The following HIPK2 variants were observed in gnomAD, a reference collection of about 807,000 sequenced individuals.
HIPK2 encodes the protein homeodomain-interacting protein kinase 2.
In HIPK2, 27 loss-of-function variants were observed where a neutral mutation model predicts 113.7. That is an observed-to-expected ratio of 0.24 (90% CI 0.17 to 0.33). The LOEUF (loss-of-function observed/expected upper bound fraction) is 0.33, where lower values mean the gene tolerates loss of function less well. Among genes scored for constraint, HIPK2 ranks in the 10% least tolerant of loss-of-function variants. The pLI is 1.00. For missense variants in HIPK2, 1,257 were observed against 1,588.0 expected, an observed-to-expected ratio of 0.79 and a Z score of 3.54; for synonymous variants, 631 against 642.2, an observed-to-expected ratio of 0.98 and a Z score of 0.26.
At chr7:139,601,876 G>A (rs1799436295) in intron 10 of HIPK2, among the ~76,000 whole-genome samples, 4 of 151,438 alleles carry the variant, frequency 2.6e-5, no homozygotes, top group Admixed American at 2.6e-4. Flanking sequence ...AGAAGTAGAT[G>A]AACACTTTTG....
chr7:139,643,558 T>C (rs1801103452), intron 2 of HIPK2, among the ~76,000 whole-genome samples: 1 of 152,194 alleles, frequency 6.6e-6, no homozygotes, highest in Non-Finnish European at 1.5e-5. Context: ...GTGATGTTGG[T>C]GCAAACTGGA....
chr7:139,701,535 G>A (rs1295207116), intron 2 of HIPK2, among the ~76,000 whole-genome samples: 1 of 152,124 alleles, frequency 6.6e-6, no homozygotes, highest in Non-Finnish European at 1.5e-5. Context: ...CTGGCGGGAC[G>A]CTGAGACCTA....
Position 139,573,368 on chromosome 7 carries a change from A to G in HIPK2, c.3156T>C (p.Thr1052=). Residue 1052 remains threonine (T), a synonymous_variant, in exon 15 of 15, where the codon ACT becomes ACC. Coordinates refer to ENST00000406875, the MANE Select transcript of HIPK2 (RefSeq NM_022740.5). ...AGGCCTGCTGCCTTCGGTGGCTCCC[A>G]GTGCGGTCCGTGGTGATGTGCTGCT... is the stretch of plus-strand genomic sequence containing the variant. ...QAQQHITTDR[T]GSHRRQQAYI... is the part of the protein sequence containing the mutation. 1 of 1,604,480 alleles carries G rather than the reference A, an allele frequency of 6.2e-7. No individual in the cohort carries two copies. The highest frequency in any genetic ancestry group is 8.5e-7 in the Non-Finnish European group (1 of 1,179,794).
At chr7:139,633,770 C>A (rs1379340762) in intron 2 of HIPK2, among the ~76,000 whole-genome samples, 2 of 151,970 alleles carry the variant, frequency 1.3e-5, no homozygotes, top group Admixed American at 1.3e-4. Context: ...CATGGTGAAA[C>A]CCTGTCTCTA....
chr7:139,687,234 T>C (rs532418677), intron 2 of HIPK2, among the ~76,000 whole-genome samples: 1 of 152,388 alleles, frequency 6.6e-6, no homozygotes, highest in East Asian at 1.9e-4. Flanking sequence ...AGCCTAGCTC[T>C]AGCATTTTAA....
At chr7:139,634,020 G>A (rs1201165638) in intron 2 of HIPK2, among the ~76,000 whole-genome samples, 1 of 151,650 alleles carries the variant, frequency 6.6e-6, no homozygotes, top group Non-Finnish European at 1.5e-5. Flanking sequence ...TGAAGTGGGA[G>A]GACTGCTTGA....
chr7:139,752,897 C>T (rs1015330870), intron 1 of HIPK2, among the ~76,000 whole-genome samples: 1 of 152,146 alleles, frequency 6.6e-6, no homozygotes, highest in African/African-American at 2.4e-5. Flanking sequence ...GACTTCTGCA[C>T]ATTAGATGTC....
chr7:139,711,460 G>A (rs1309134687), intron 2 of HIPK2, among the ~76,000 whole-genome samples: 1 of 151,940 alleles, frequency 6.6e-6, no homozygotes, highest in Admixed American at 6.6e-5. Context: ...CTGAAAAAGT[G>A]GATTATTTGC....
intron 13 of HIPK2, among the ~76,000 whole-genome samples, chr7:139,577,229 A>C (rs1428442087): frequency 6.8e-6 from 1 of 147,410 alleles, no homozygotes; most frequent in Non-Finnish European, 1.5e-5. Context: ...GCTCACTGCA[A>C]CCTCTGCCTC....
intron 2 of HIPK2, among the ~76,000 whole-genome samples, chr7:139,670,747 CTTTCTTTCTTTCTTTTTTTTTT>C (rs1802243025): frequency 4.0e-5 from 3 of 74,800 alleles, no homozygotes; most frequent in Admixed American, 3.2e-4. Context: ...TTCTTTCTTT[CTTTCTTTCTTTCTTTTTTTTTT>C]TTTTTTTTTT....
At chr7:139,717,533 GCTGGCAT>G (rs996671994) in intron 1 of HIPK2, among the ~76,000 whole-genome samples, 3 of 152,132 alleles carry the variant, frequency 2.0e-5, no homozygotes, top group Admixed American at 2.0e-4. Context: ...CTAATTACCA[GCTGGCAT>G]CTTTGTCATC....
intron 2 of HIPK2, among the ~76,000 whole-genome samples, chr7:139,713,616 G>T (rs1409941546): frequency 1.3e-5 from 2 of 152,224 alleles, no homozygotes; most frequent in African/African-American, 4.8e-5. Flanking sequence ...CGCCATGCTA[G>T]CTTTCAGTGA....
At chr7:139,679,949 A>G (rs1802638149) in intron 2 of HIPK2, among the ~76,000 whole-genome samples, 1 of 152,030 alleles carries the variant, frequency 6.6e-6, no homozygotes, top group Non-Finnish European at 1.5e-5. Context: ...TTTGACATGG[A>G]CATTAGTCTT....
chr7:139,573,418 G>A, intron 14 of HIPK2, 21 bp from the exon 15 acceptor site: 1 of 1,598,824 alleles, frequency 6.3e-7, no homozygotes, highest in Non-Finnish European at 8.5e-7. Flanking sequence ...GAGGCACCAA[G>A]AGAGACGTCA....
chr7:139,646,754 C>A (rs934439141), intron 2 of HIPK2, among the ~76,000 whole-genome samples: 2 of 152,282 alleles, frequency 1.3e-5, no homozygotes, highest in African/African-American at 4.8e-5. Flanking sequence ...AATCAGGGAG[C>A]TGTCACACAT....
intron 1 of HIPK2, among the ~76,000 whole-genome samples, chr7:139,736,525 C>A (rs1795943891): frequency 1.3e-5 from 2 of 152,212 alleles, no homozygotes; most frequent in Non-Finnish European, 2.9e-5. Flanking sequence ...CAGATGCCCT[C>A]TGCTCTGCCC....
At chr7:139,747,048 C>G (rs1262090386) in intron 1 of HIPK2, among the ~76,000 whole-genome samples, 1 of 152,214 alleles carries the variant, frequency 6.6e-6, no homozygotes, top group Non-Finnish European at 1.5e-5. Flanking sequence ...TGACAACACT[C>G]ATTTGTCCAG....
At chr7:139,688,699 T>C (rs950798718) in intron 2 of HIPK2, among the ~76,000 whole-genome samples, 3 of 152,200 alleles carry the variant, frequency 2.0e-5, no homozygotes, top group Non-Finnish European at 4.4e-5. Context: ...TATGCCTCAA[T>C]TGACTATTTT....
At chr7:139,702,823 A>G (rs1199459797) in intron 2 of HIPK2, among the ~76,000 whole-genome samples, 1 of 152,248 alleles carries the variant, frequency 6.6e-6, no homozygotes, top group Non-Finnish European at 1.5e-5. Flanking sequence ...TATTTCAGCC[A>G]TAATAGTTTG....
Sources: gnomAD v4.1 joint callset for allele counts (sites outside exome capture counted in the v4.1 genomes callset) on GRCh38, gnomAD v4.1.1 for gene constraint, MANE v1.5 for transcripts, NCBI Gene and HGNC (gene_info 2026-07-23, HGNC 2026-07-21) for gene names.